Variants in SNX29 observed in about 807,000 individuals in gnomAD.
SNX29 encodes sorting nexin 29, also known as sorting nexin-29.
In SNX29, 78 loss-of-function variants were observed where a neutral mutation model predicts 102.1. The observed-to-expected ratio is 0.76, with a 90% CI of 0.64 to 0.92. The LOEUF is 0.92. Among genes scored for constraint, SNX29 ranks in the 40% least tolerant of loss-of-function variants. The probability of loss-of-function intolerance (pLI) is 0.00; values close to 1 mark genes in which losing one functional copy is unlikely to be tolerated. For synonymous variants in SNX29, 580 were observed against 414.5 expected (o/e 1.40, Z -4.85); for missense variants, 1,280 against 1,061.7 (o/e 1.21, Z -2.86).
At chr16:12,561,644 G>A (rs1487875329) in intron 20 of SNX29, among the ~76,000 whole-genome samples, 1 of 152,180 alleles carries the variant, frequency 6.6e-6, no homozygotes, top group Non-Finnish European at 1.5e-5. Flanking sequence ...AAAAAGAACA[G>A]CCACTCCTGG....
intron 15 of SNX29, among the ~76,000 whole-genome samples, chr16:12,297,012 T>G (rs1490334856): frequency 1.3e-5 from 2 of 152,228 alleles, no homozygotes; most frequent in Non-Finnish European, 2.9e-5. Flanking sequence ...ACAACTGTGA[T>G]AATCACAAAT....
intron 3 of SNX29, among the ~76,000 whole-genome samples, chr16:12,008,008 A>G (rs1033249163): frequency 1.3e-5 from 2 of 152,098 alleles, no homozygotes; most frequent in African/African-American, 2.4e-5. Context: ...CAGTGGCGCT[A>G]TCTCGGCTCC....
intron 13 of SNX29, among the ~76,000 whole-genome samples, chr16:12,146,977 A>G (rs188630163): frequency 6.6e-6 from 1 of 152,226 alleles, no homozygotes. Context: ...GCTTGGTGGC[A>G]TCTCAGAGCA....
chr16:12,503,309 C>T (rs760063137), intron 19 of SNX29, among the ~76,000 whole-genome samples: 2 of 152,054 alleles, frequency 1.3e-5, no homozygotes, highest in East Asian at 1.9e-4. Context: ...TAACATAGCT[C>T]GTGTTTATTT....
intron 19 of SNX29, among the ~76,000 whole-genome samples, chr16:12,480,429 T>C (rs1332867933): frequency 6.6e-6 from 1 of 152,156 alleles, no homozygotes; most frequent in Non-Finnish European, 1.5e-5. Flanking sequence ...ACCCTCTTCC[T>C]CTTAGAATTC....
At chr16:12,475,885 C>T (rs2087568728) in intron 18 of SNX29, among the ~76,000 whole-genome samples, 1 of 152,198 alleles carries the variant, frequency 6.6e-6, no homozygotes, top group Non-Finnish European at 1.5e-5. Flanking sequence ...GAATTTGGCC[C>T]ATGGGCCATA....
At chr16:12,453,651 G>A (rs1202348704) in intron 18 of SNX29, among the ~76,000 whole-genome samples, 11 of 152,048 alleles carry the variant, frequency 7.2e-5, no homozygotes, top group Admixed American at 7.2e-4. Flanking sequence ...AAATTGCTGG[G>A]ATTAGAGGCA....
At chr16:12,269,751 G>A (rs1466840602) in intron 14 of SNX29, among the ~76,000 whole-genome samples, 1 of 152,032 alleles carries the variant, frequency 6.6e-6, no homozygotes, top group Non-Finnish European at 1.5e-5. Context: ...AGCTATCATC[G>A]ACATGAATAG....
intron 20 of SNX29, among the ~76,000 whole-genome samples, chr16:12,550,694 C>T (rs1018190275): frequency 1.3e-5 from 2 of 152,104 alleles, no homozygotes; most frequent in Non-Finnish European, 2.9e-5. Context: ...TTCATGTATT[C>T]ACCCCCCTCA....
At chr16:11,993,042 G>A (rs1050064195) in intron 1 of SNX29, among the ~76,000 whole-genome samples, 8 of 151,960 alleles carry the variant, frequency 5.3e-5, no homozygotes, top group Non-Finnish European at 1.0e-4. Context: ...GTGGGCACCC[G>A]TAATCCCAGC....
At position 12,509,390 on chromosome 16, in the gene SNX29, T is replaced by TC. The variant is rs546687293; in HGVS notation, c.2179-15309dup. On this transcript the variant is annotated intron_variant, in intron 19 of 20. Coordinates refer to ENST00000566228, the MANE Select transcript of SNX29 (RefSeq NM_032167.5). ...GGGCTGGGGAGGCACGGGGAGCGGA[T>TC]CCCAGGGAAGACTGAAATGTAGAGT... 3.9e-5 allele frequency among the ~76,000 whole-genome samples: 6 copies of TC among 152,202 alleles called. No individual in the cohort carries two copies. In the South Asian group the frequency reaches 1.2e-3, roughly 32 times the overall value.
chr16:12,550,211 G>A (rs745327875), intron 20 of SNX29, among the ~76,000 whole-genome samples: 1 of 152,230 alleles, frequency 6.6e-6, no homozygotes, highest in Non-Finnish European at 1.5e-5. Flanking sequence ...AAGCATGGAA[G>A]AGTACCACAC....
chr16:12,539,314 CTA>C (rs1175341926), intron 20 of SNX29, among the ~76,000 whole-genome samples: 2 of 152,030 alleles, frequency 1.3e-5, no homozygotes, highest in African/African-American at 2.4e-5. Context: ...CCCTCCCCCT[CTA>C]GTTTTGTCTT....
chr16:12,302,672 G>A (rs2080215028), intron 15 of SNX29, among the ~76,000 whole-genome samples: 1 of 152,178 alleles, frequency 6.6e-6, no homozygotes, highest in Non-Finnish European at 1.5e-5. Context: ...TTACCTTGGG[G>A]GTTAGAATTT....
At chr16:12,494,743 C>G (rs979138337) in intron 19 of SNX29, among the ~76,000 whole-genome samples, 1 of 152,186 alleles carries the variant, frequency 6.6e-6, no homozygotes, top group South Asian at 2.1e-4. Flanking sequence ...TTTGAGTTAA[C>G]TGCCTGATCC....
rs1477225610 is a variant in SNX29 at position 12,403,449 on chromosome 16, T to C, written c.1957T>C (p.Ser653Pro). The change falls in exon 18 of 21, where the codon TCA becomes CCA. Residue 653 changes from serine (S) to proline (P), a missense_variant and splice_region_variant. Coordinates refer to ENST00000566228, the MANE Select transcript of SNX29 (RefSeq NM_032167.5). Reference sequence around the variant, plus strand: ...TCTCTCTCTCTTCCTTTTGGTTAGATCAAACCGGGCGCTGATCAACGTCTG... The same window carrying C: ...TCTCTCTCTCTTCCTTTTGGTTAGACCAAACCGGGCGCTGATCAACGTCTG... ...EDQSLSDFEI[S>P]NRALINVWIP... 1 of 1,605,190 alleles carries C rather than the reference T, an allele frequency of 6.2e-7. No homozygotes were observed. Among genetic ancestry groups the C allele is most frequent in the South Asian group, 1.1e-5 (1 of 88,964 alleles).
intron 18 of SNX29, among the ~76,000 whole-genome samples, chr16:12,430,181 A>G (rs1190681516): frequency 6.6e-6 from 1 of 152,248 alleles, no homozygotes; most frequent in African/African-American, 2.4e-5. Context: ...CCCTCAGTTC[A>G]TCCCCAAACC....
In SNX29 at chr16:12,333,180, A is replaced by G. The variant is rs529158886; in HGVS notation, c.1783-22983A>G. Among the ~76,000 whole-genome samples the G allele has an allele frequency of 5.6e-5, 8 of 142,338 alleles. No individual in the cohort carries two copies. The South Asian group carries it at 1.5e-3, about 27-fold the overall frequency. The allele number at this position is 142,338 out of a possible 152,430, so 93.4% of individuals were successfully genotyped here. ...GAGTGCAGTGGTGCGATCTTGGCTC[A>G]CTGCAACTTCCGCCTACCAAGTTCA... On this transcript the variant is annotated intron_variant, in intron 15 of 20. Coordinates refer to ENST00000566228, the MANE Select transcript of SNX29 (RefSeq NM_032167.5).
chr16:12,166,060 T>C (rs2056007745), intron 13 of SNX29, among the ~76,000 whole-genome samples: 1 of 152,266 alleles, frequency 6.6e-6, no homozygotes, highest in African/African-American at 2.4e-5. Flanking sequence ...CCATGTCATC[T>C]ATTCATGGTA....
Sources: gnomAD v4.1 joint callset for allele counts (sites outside exome capture counted in the v4.1 genomes callset) on GRCh38, gnomAD v4.1.1 for gene constraint, MANE v1.5 for transcripts, NCBI Gene and HGNC (gene_info 2026-07-23, HGNC 2026-07-21) for gene names.